TLE4: variants seen among roughly 807,000 people sequenced by gnomAD.
TLE4 encodes transducin-like enhancer protein 4.
TLE4 carries 8 observed loss-of-function variants against 92.8 expected under a neutral mutation model. That is an observed-to-expected ratio of 0.09 (90% confidence interval 0.05 to 0.16). The LOEUF is 0.16. Among genes scored for constraint, TLE4 ranks in the 10% least tolerant of loss-of-function variants. TLE4 has a pLI of 1.00. For synonymous variants in TLE4, 371 were observed against 374.1 expected (o/e 0.99, Z 0.10); for missense variants, 675 against 997.6 (o/e 0.68, Z 4.36).
At chr9:79,592,828 C>T (rs1046349768) in intron 4 of TLE4, among the ~76,000 whole-genome samples, 7 of 151,946 alleles carry the variant, frequency 4.6e-5, no homozygotes, top group African/African-American at 1.5e-4. Flanking sequence ...ATTGTGTATC[C>T]TTTTTAAGTT....
intron 8 of TLE4, among the ~76,000 whole-genome samples, chr9:79,661,142 T>C (rs748527027): frequency 1.3e-5 from 2 of 152,256 alleles, no homozygotes; most frequent in African/African-American, 2.4e-5. Flanking sequence ...GTTTTAATAG[T>C]TGACGCTTGA....
At chr9:79,577,330 GA>G (rs1188920005) in intron 4 of TLE4, among the ~76,000 whole-genome samples, 1 of 152,116 alleles carries the variant, frequency 6.6e-6, no homozygotes, top group Non-Finnish European at 1.5e-5. Flanking sequence ...GCAATCTGAT[GA>G]ATAGTATTGG....
At chr9:79,579,006 C>T (rs1025505427) in intron 4 of TLE4, among the ~76,000 whole-genome samples, 15 of 150,970 alleles carry the variant, frequency 9.9e-5, no homozygotes, top group Non-Finnish European at 5.9e-5. Context: ...GCCATTGTCT[C>T]AAGTTCTAGC....
At chr9:79,672,462 A>G (rs2062571831) in intron 8 of TLE4, among the ~76,000 whole-genome samples, 2 of 152,128 alleles carry the variant, frequency 1.3e-5, no homozygotes, top group African/African-American at 4.8e-5. Context: ...GTTTTTCTAC[A>G]TGTTTTCTAC....
chr9:79,599,883 A>G (rs558574955), intron 4 of TLE4, among the ~76,000 whole-genome samples: 3 of 152,262 alleles, frequency 2.0e-5, no homozygotes, highest in Non-Finnish European at 4.4e-5. Context: ...TTTTGTCTTC[A>G]TAGCACTTCT....
chr9:79,695,094 A>G (rs547193451), intron 8 of TLE4, among the ~76,000 whole-genome samples: 19 of 152,240 alleles, frequency 1.2e-4, no homozygotes, highest in South Asian at 8.3e-4. Flanking sequence ...TTCTATTACA[A>G]TTTTTAAAAA....
intron 4 of TLE4, among the ~76,000 whole-genome samples, chr9:79,594,579 A>G (rs1000619753): frequency 6.6e-6 from 1 of 151,876 alleles, no homozygotes; most frequent in African/African-American, 2.4e-5. Flanking sequence ...TTTTAATAGT[A>G]CCTTGCTTTA....
chr9:79,602,967 G>A (rs2045997378), intron 4 of TLE4, among the ~76,000 whole-genome samples: 1 of 152,078 alleles, frequency 6.6e-6, no homozygotes, highest in Non-Finnish European at 1.5e-5. Context: ...AACCCTCATG[G>A]ATGCCTTTGG....
At chr9:79,719,874 A>G (rs2075280865) in intron 15 of TLE4, among the ~76,000 whole-genome samples, 172 bp from the exon 16 acceptor site, 1 of 152,200 alleles carries the variant, frequency 6.6e-6, no homozygotes, top group Admixed American at 6.5e-5. Flanking sequence ...AACTTTAAGT[A>G]CTTCCCTAAT....
At chr9:79,573,616 ATAG>A (rs921231205) in intron 1 of TLE4, 70 bp from the exon 2 acceptor site, 5 of 1,278,828 alleles carry the variant, frequency 3.9e-6, no homozygotes, top group Non-Finnish European at 5.4e-6. Flanking sequence ...CTAACGCCGC[ATAG>A]TAGGTTTTCT....
chr9:79,707,363 C>T (rs184301571), intron 11 of TLE4: 1 of 693,106 alleles, frequency 1.4e-6, no homozygotes, highest in African/African-American at 1.8e-5. Context: ...CATCACAAAT[C>T]ACAAATGCAA....
chr9:79,649,734 G>A, intron 6 of TLE4: 1 of 1,174,116 alleles, frequency 8.5e-7, no homozygotes, highest in Non-Finnish European at 1.1e-6. Context: ...GCCTTACTGT[G>A]AATGTCATGT....
intron 8 of TLE4, among the ~76,000 whole-genome samples, chr9:79,664,437 C>T (rs956694070): frequency 6.6e-5 from 10 of 152,186 alleles, no homozygotes; most frequent in African/African-American, 2.2e-4. Context: ...GCCCCCGCCT[C>T]AGGGATTATA....
At chr9:79,640,999 A>G (rs997350665) in intron 6 of TLE4, among the ~76,000 whole-genome samples, 2 of 152,028 alleles carry the variant, frequency 1.3e-5, no homozygotes, top group Non-Finnish European at 2.9e-5. Flanking sequence ...GGGGAGAAAG[A>G]TGGAAGCTAG....
chr9:79,586,950 G>A (rs544329644), intron 4 of TLE4, among the ~76,000 whole-genome samples: 273 of 152,116 alleles, frequency 1.8e-3, no homozygotes, highest in Non-Finnish European at 3.0e-3. Flanking sequence ...CCCTTTTTTT[G>A]TGTGGGTTAG....
chr9:79,642,107 A>G (rs1009458202), intron 6 of TLE4, among the ~76,000 whole-genome samples: 1 of 152,150 alleles, frequency 6.6e-6, no homozygotes. Context: ...ATTGTGGTCA[A>G]AATTTTGGAA....
intron 8 of TLE4, among the ~76,000 whole-genome samples, chr9:79,691,661 G>A (rs368835362): frequency 3.1e-4 from 47 of 152,122 alleles, no homozygotes; most frequent in African/African-American, 7.2e-4. Flanking sequence ...CCAGCTTTCC[G>A]CTTCTTCAGA....
chr9:79,723,648 A>G (rs902780422), intron 19 of TLE4, among the ~76,000 whole-genome samples: 2 of 152,188 alleles, frequency 1.3e-5, no homozygotes, highest in African/African-American at 4.8e-5. Flanking sequence ...ACTTGCCTTT[A>G]TTAACCTTCT....
At chr9:79,648,249 G>A (rs192163924) in intron 6 of TLE4, among the ~76,000 whole-genome samples, 297 of 152,170 alleles carry the variant, frequency 2.0e-3, no homozygotes, top group Non-Finnish European at 3.5e-3. Flanking sequence ...TTGAGTTCTC[G>A]CTATGTTTAG....
Sources: gnomAD v4.1 joint callset for allele counts (sites outside exome capture counted in the v4.1 genomes callset) on GRCh38, gnomAD v4.1.1 for gene constraint, MANE v1.5 for transcripts, NCBI Gene and HGNC (gene_info 2026-07-23, HGNC 2026-07-21) for gene names.